CCAR2: variants seen among roughly 807,000 people sequenced by gnomAD.
The protein encoded by CCAR2 is cell cycle and apoptosis regulator protein 2.
A neutral mutation model predicts 108.1 loss-of-function variants in CCAR2; 21 were observed. The ratio of observed to expected loss-of-function variants is 0.19; its 90% CI spans 0.14 to 0.28. CCAR2 has a LOEUF of 0.28. Among genes scored for constraint, CCAR2 ranks in the 10% least tolerant of loss-of-function variants. CCAR2 has a pLI of 1.00. For synonymous variants in CCAR2, 577 were observed against 472.8 expected, an observed-to-expected ratio of 1.22 and a Z score of -2.86; for missense variants, 1,126 against 1,177.0, an observed-to-expected ratio of 0.96 and a Z score of 0.63.
rs779594798 is a variant in CCAR2 at position 22,604,783 on chromosome 8, C to T, written c.-98C>T. 1 of 456,048 alleles carries T rather than the reference C, an allele frequency of 2.2e-6. No homozygotes were observed. Among genetic ancestry groups the T allele is most frequent in the South Asian group, 1.5e-5 (1 of 64,526 alleles). 28.3% of individuals were successfully genotyped at this position (456,048 alleles called of 1,614,324 possible). A position where few individuals can be genotyped will look rare whatever the true frequency, so the allele number is the denominator to read the frequency against. ...GAGGCGCTTCCGGTGGCGGCGGCAG[C>T]AGCGGCTGTGGTGGTTCCGGGTGTC... On this transcript the variant is annotated 5_prime_UTR_variant, in exon 1 of 21. Transcript: ENST00000308511.
At chr8:22,621,324 C>G, downstream of CCAR2, 1 of 1,462,876 alleles carries the variant, frequency 6.8e-7, no homozygotes, top group Non-Finnish European at 9.1e-7. Context: ...CCAGGGCCAC[C>G]TCTGTCCCCA....
Position 22,619,203 on chromosome 8 carries a change from G to A in CCAR2, c.2575G>A (p.Ala859Thr). ...TGAAGTAACCAATAAGACGCTGGCGGCAGAGATGCAGGAGCTGCGAGTCCG... is the reference window on the plus strand; with the variant it reads ...TGAAGTAACCAATAAGACGCTGGCGACAGAGATGCAGGAGCTGCGAGTCCG... ...ATEVTNKTLA[A>T]EMQELRVRLA... Residue 859 changes from alanine (A) to threonine (T), a missense_variant, in exon 20 of 21, where the codon GCA becomes ACA. By Grantham distance (58) the Ala-to-Thr change is moderately conservative. Transcript: ENST00000308511. 2 of 1,587,222 alleles carry A rather than the reference G, an allele frequency of 1.3e-6. No individual in the cohort carries two copies. The highest frequency in any genetic ancestry group is 1.3e-5 in the African/African-American group (1 of 74,788).
downstream of CCAR2, chr8:22,620,852 C>T (rs956741238): frequency 2.0e-5 from 3 of 152,386 alleles, no homozygotes; most frequent in Admixed American, 6.5e-5. Context: ...AGGTACCAGT[C>T]CTCAGTGACC....
chr8:22,619,771 G>A lies in CCAR2; in HGVS notation c.*89G>A, dbSNP rs190663271. ...TGCGGTACCAGAAAGCAGCGAGAGC[G>A]AGACCTGGGAGCCAGGGCAGGGGTG... On this transcript the variant is annotated 3_prime_UTR_variant, in exon 21 of 21. Coordinates refer to ENST00000308511, the MANE Select transcript of CCAR2 (RefSeq NM_001393997.1). 7.9e-5 allele frequency: 112 copies of A among 1,410,848 alleles called. 1 individual carries two copies. The Admixed American group carries it at 1.7e-3, about 21-fold the overall frequency. The allele number at this position is 1,410,848 out of a possible 1,614,324, so 87.4% of individuals were successfully genotyped here. A position where few individuals can be genotyped will look rare whatever the true frequency, so the allele number is the denominator to read the frequency against.
chr8:22,618,803 ATTC>A, intron 18 of CCAR2, 21 bp from the exon 19 acceptor site: 1 of 1,613,092 alleles, frequency 6.2e-7, no homozygotes, highest in Non-Finnish European at 8.5e-7. Flanking sequence ...TCCATCCTGA[ATTC>A]TTTTTCACGG....
At chr8:22,611,647 A>G (rs763811425) in intron 7 of CCAR2, among the ~76,000 whole-genome samples, 13 of 152,132 alleles carry the variant, frequency 8.5e-5, no homozygotes, top group Non-Finnish European at 1.5e-4. Flanking sequence ...TTAATCTTAC[A>G]GTTCAAATTA....
chr8:22,619,493 AGT>A, intron 20 of CCAR2, 138 bp downstream of exon 20: 4 of 1,398,802 alleles, frequency 2.9e-6, no homozygotes, highest in Non-Finnish European at 2.9e-6. Flanking sequence ...CTTGCCAGGC[AGT>A]GTGCCCCTGG....
In CCAR2 at chr8:22,614,600, G is replaced by A. The variant is rs139667189; in HGVS notation, c.1041+97G>A. 79 of 1,216,888 alleles carry A rather than the reference G, an allele frequency of 6.5e-5. No homozygotes were observed. The African/African-American group carries it at 9.8e-4, about 15-fold the overall frequency. The allele number at this position is 1,216,888 out of a possible 1,614,324, so 75.4% of individuals were successfully genotyped here. On this transcript the variant is annotated intron_variant, in intron 10 of 20. Transcript: ENST00000308511. ...GCTCCTGTTCCTGAATGCATAAAAC[G>A]AGGCATCTCAGAGCCGAACACCCCT...
chr8:22,616,460 A>C (rs1801512592), intron 14 of CCAR2: 1 of 587,968 alleles, frequency 1.7e-6, no homozygotes, highest in Non-Finnish European at 3.0e-6. Context: ...CTGACAGCAC[A>C]GAAACCCTTG....
rs1446417623 is a variant in CCAR2 at position 22,606,750 on chromosome 8, T to A, written c.242+52T>A. 1.4e-5 allele frequency: 22 copies of A among 1,517,824 alleles called. No individual in the cohort carries two copies. The East Asian group carries it at 5.0e-4, about 34-fold the overall frequency. 94.0% of individuals were successfully genotyped at this position (1,517,824 alleles called of 1,614,324 possible). A position where few individuals can be genotyped will look rare whatever the true frequency, so the allele number is the denominator to read the frequency against. ...GAAATGCTTATTGGATTCAGTTCTG[T>A]CACCATGCTGGTATTGCCCCCACCC... On this transcript the variant is annotated intron_variant, in intron 4 of 20. Coordinates refer to ENST00000308511, the MANE Select transcript of CCAR2 (RefSeq NM_001393997.1).
intron 17 of CCAR2, 31 bp from the exon 18 acceptor site, chr8:22,618,586 G>C: frequency 6.2e-7 from 1 of 1,613,994 alleles, no homozygotes; most frequent in Non-Finnish European, 8.5e-7. Flanking sequence ...CGGGGACGGG[G>C]CCTTCTGATC....
Position 22,619,868 on chromosome 8 carries a change from T to G in CCAR2, c.*186T>G. On this transcript the variant is annotated 3_prime_UTR_variant, in exon 21 of 21. Coordinates refer to ENST00000308511, the MANE Select transcript of CCAR2 (RefSeq NM_001393997.1). ...GGGGCTGTGCTATGTGGGATGGATG[T>G]GTGAGGAACCCCGGTTCCACTTAAC... The G allele has an allele frequency of 1.6e-6, 1 of 613,100 alleles. No homozygotes were observed. The highest frequency in any genetic ancestry group is 2.9e-6 in the Non-Finnish European group (1 of 346,396). 38.0% of individuals were successfully genotyped at this position (613,100 alleles called of 1,614,324 possible). A position where few individuals can be genotyped will look rare whatever the true frequency, so the allele number is the denominator to read the frequency against.
Position 22,614,445 on chromosome 8 carries a change from T to C in CCAR2, c.983T>C (p.Phe328Ser), listed in dbSNP as rs776259412. The part of the protein sequence containing the change: ...LEELYRCCML[F>S]VDDMAEPRET... The stretch of plus-strand genomic sequence containing the variant: ...GAATTGTATCGTTGTTGCATGCTCT[T>C]TGTGGATGACATGGCTGAGCCAAGG... The change falls in exon 10 of 21, where the codon TTT (phenylalanine) becomes TCT (serine). Residue 328 changes from phenylalanine to serine, a missense_variant. Physicochemically the swap from Phe to Ser is radical, Grantham distance 155. Coordinates refer to ENST00000308511, the MANE Select transcript of CCAR2 (RefSeq NM_001393997.1). The C allele has an allele frequency of 3.7e-6, 6 of 1,614,198 alleles. No individual in the cohort carries two copies. The highest frequency in any genetic ancestry group is 5.1e-6 in the Non-Finnish European group (6 of 1,180,046).
chr8:22,616,065 T>C lies in CCAR2; in HGVS notation c.1662T>C (p.Tyr554=). The C allele has an allele frequency of 6.2e-7, 1 of 1,613,970 alleles. No homozygotes were observed. The highest frequency in any genetic ancestry group is 8.5e-7 in the Non-Finnish European group (1 of 1,180,014). The change falls in exon 14 of 21, where the codon TAT becomes TAC. Residue 554 remains tyrosine (Y), a synonymous_variant. Transcript: ENST00000308511. The part of the protein sequence containing the change: ...FLEMLQRDFG[Y]RVYKMLLSLP... ...AGATGCTCCAGAGGGATTTTGGCTATAGAGTTTATAAGATGCTACTGAGCC... is the reference window on the plus strand; with the variant it reads ...AGATGCTCCAGAGGGATTTTGGCTACAGAGTTTATAAGATGCTACTGAGCC...
Position 22,615,864 on chromosome 8 carries a change from C to A in CCAR2, c.1560C>A (p.Leu520=), listed in dbSNP as rs202099010. The A allele has an allele frequency of 3.1e-6, 5 of 1,613,984 alleles. No individual in the cohort carries two copies. Among genetic ancestry groups the A allele is most frequent in the Non-Finnish European group, 4.2e-6 (5 of 1,180,030 alleles). ...GCCCTGGCTGTGTAAACCTGTCCCTCCATGGGATTGTGGAGGATCGGAGGC... is the reference window on the plus strand; with the variant it reads ...GCCCTGGCTGTGTAAACCTGTCCCTACATGGGATTGTGGAGGATCGGAGGC... The part of the protein sequence containing the change: ...IARPGCVNLS[L]HGIVEDRRPK... Residue 520 remains leucine, a synonymous_variant, in exon 13 of 21, where the codon CTC becomes CTA. Coordinates refer to ENST00000308511, the MANE Select transcript of CCAR2 (RefSeq NM_001393997.1).
In CCAR2 at chr8:22,618,631, C is replaced by A; in HGVS notation, c.2235C>A (p.Val745=). Residue 745 remains valine (V), a synonymous_variant, in exon 18 of 21, where the codon GTC becomes GTA. Coordinates refer to ENST00000308511, the MANE Select transcript of CCAR2 (RefSeq NM_001393997.1). The stretch of plus-strand genomic sequence containing the variant: ...GTTTTCTGCAGGCCAAGCAGCTGGT[C>A]AGCAGGGTGGTGACCCAGAACATCT... ...RLSAEQAKQL[V]SRVVTQNICQ... is the part of the protein sequence containing the mutation. 6.2e-7 allele frequency: 1 copy of A among 1,614,080 alleles called. No homozygotes were observed. Among genetic ancestry groups the A allele is most frequent in the South Asian group, 1.1e-5 (1 of 91,062 alleles).
intron 14 of CCAR2, among the ~76,000 whole-genome samples, chr8:22,616,879 TTTTTTTTTTTTTTTTTTGG>T (rs1047712969): frequency 3.3e-5 from 2 of 60,112 alleles, no homozygotes; most frequent in African/African-American, 2.1e-4. Flanking sequence ...TTTTTTTTTT[TTTTTTTTTTTTTTTTTTGG>T]GGAGATGGAG....
chr8:22,608,192 C>T (rs1801152249), intron 7 of CCAR2, 127 bp downstream of exon 7: 1 of 675,472 alleles, frequency 1.5e-6, no homozygotes, highest in Admixed American at 2.8e-5. Context: ...GCTATGCTTA[C>T]CACTAACATT....
rs11277208 is a variant in CCAR2 at position 22,619,565 on chromosome 8, G to GGCAGTCC, written c.2728-58_2728-52dup. On this transcript the variant is annotated intron_variant, in intron 20 of 20. Coordinates refer to ENST00000308511, the MANE Select transcript of CCAR2 (RefSeq NM_001393997.1). ...GTGCAGTGGGAGCTTCCCAGCAGGAGGCAGTCCGCAGTCCGCAGTCCTCAG... is the reference window on the plus strand; with the variant it reads ...GTGCAGTGGGAGCTTCCCAGCAGGAGGCAGTCCGCAGTCCGCAGTCCGCAGTCCTCAG... 13,570 of 1,501,254 alleles carry GGCAGTCC rather than the reference G, an allele frequency of 9.0e-3. 85 individuals carry two copies. The highest frequency in any genetic ancestry group is 0.01 in the Non-Finnish European group (11,199 of 1,108,458). 93.0% of individuals were successfully genotyped at this position (1,501,254 alleles called of 1,614,324 possible). A position where few individuals can be genotyped will look rare whatever the true frequency, so the allele number is the denominator to read the frequency against.
Sources: gnomAD v4.1 joint callset for allele counts (sites outside exome capture counted in the v4.1 genomes callset) on GRCh38, gnomAD v4.1.1 for gene constraint, MANE v1.5 for transcripts, NCBI Gene and HGNC (gene_info 2026-07-23, HGNC 2026-07-21) for gene names.